Variants in DSCAM observed in about 807,000 individuals in gnomAD.
DSCAM encodes the protein cell adhesion molecule DSCAM.
DSCAM carries 47 observed loss-of-function variants against 217.7 expected under a neutral mutation model. That is an observed-to-expected ratio of 0.22 (90% CI 0.17 to 0.28). DSCAM has a LOEUF of 0.28. DSCAM is among the 10% of genes least tolerant of loss of function. The probability of loss-of-function intolerance (pLI) is 1.00; values close to 1 mark genes in which losing one functional copy is unlikely to be tolerated. For missense variants in DSCAM, 2,080 were observed against 2,618.3 expected (o/e 0.79, Z 4.49); for synonymous variants, 1,056 against 1,015.3 (o/e 1.04, Z -0.76).
In DSCAM at chr21:40,062,699, G is replaced by A. The variant is rs570722396; in HGVS notation, c.4919+170C>T. Among the ~76,000 whole-genome samples the A allele has an allele frequency of 2.1e-3, 326 of 152,170 alleles. 2 individuals are homozygous for A. Among genetic ancestry groups the A allele is most frequent in the Admixed American group, 3.5e-3 (53 of 15,288 alleles). ...TACATCATTTTCATCTACACCTTCA[G>A]CTAGGCATTACATGGATATTTTGGA... On this transcript the variant is annotated intron_variant, in intron 28 of 32. Coordinates refer to ENST00000400454, the MANE Select transcript of DSCAM (RefSeq NM_001389.5).
At position 40,548,910 on chromosome 21, in the gene DSCAM, T is replaced by C. The variant is rs118035742; in HGVS notation, c.508+143900A>G. Among the ~76,000 whole-genome samples the C allele has an allele frequency of 9.2e-5, 14 of 152,246 alleles. No homozygotes were observed. In the East Asian group the frequency reaches 2.7e-3, roughly 29 times the overall value. On this transcript the variant is annotated intron_variant, in intron 3 of 32. Transcript: ENST00000400454. ...TCCAAAAGCCATGGAAGAATCAAAA[T>C]AGGGTAAAACAAGGCCGGGCACGGT...
chr21:40,793,855 G>A lies in DSCAM; in HGVS notation c.43+52764C>T, dbSNP rs564731640. On this transcript the variant is annotated intron_variant, in intron 1 of 32. Coordinates refer to ENST00000400454, the MANE Select transcript of DSCAM (RefSeq NM_001389.5). The stretch of plus-strand genomic sequence containing the variant: ...AGAATGAAGCATTTTGTCTGGCTTA[G>A]ACAAAAAATCATGTGAAATATAAGA... Among the ~76,000 whole-genome samples the A allele has an allele frequency of 2.0e-3, 308 of 152,122 alleles. 1 individual carries two copies. The highest frequency in any genetic ancestry group is 3.8e-3 in the Non-Finnish European group (259 of 68,002).
intron 11 of DSCAM, among the ~76,000 whole-genome samples, chr21:40,192,053 T>G (rs1601426304): frequency 6.6e-6 from 1 of 152,196 alleles, no homozygotes; most frequent in East Asian, 1.9e-4. Context: ...ACAAATATAT[T>G]TATATTATCC....
At chr21:40,039,093 A>C (rs2088690011) in intron 32 of DSCAM, among the ~76,000 whole-genome samples, 1 of 152,026 alleles carries the variant, frequency 6.6e-6, no homozygotes, top group South Asian at 2.1e-4. Context: ...GGTGCAGCGC[A>C]CCAGAATGGC....
At chr21:40,802,687 G>C (rs1569043728) in intron 1 of DSCAM, among the ~76,000 whole-genome samples, 1 of 152,166 alleles carries the variant, frequency 6.6e-6, no homozygotes, top group Non-Finnish European at 1.5e-5. Flanking sequence ...GAGAAAGAGA[G>C]AAATCTCAGC....
intron 1 of DSCAM, among the ~76,000 whole-genome samples, chr21:40,743,572 T>C (rs1216990773): frequency 2.0e-5 from 3 of 152,096 alleles, no homozygotes; most frequent in Non-Finnish European, 4.4e-5. Flanking sequence ...GCAGTGAGGA[T>C]CTGCTTATAC....
intron 3 of DSCAM, among the ~76,000 whole-genome samples, chr21:40,639,681 G>GCA (rs2089853643): frequency 8.5e-6 from 1 of 117,260 alleles, no homozygotes; most frequent in Non-Finnish European, 1.9e-5. Flanking sequence ...GTATGTGTAT[G>GCA]TGTGTGCATG....
At chr21:40,046,669 T>C (rs2088846144) in intron 30 of DSCAM, among the ~76,000 whole-genome samples, 1 of 152,194 alleles carries the variant, frequency 6.6e-6, no homozygotes. Flanking sequence ...CCCAGTCCCT[T>C]ACATAAGTTT....
chr21:40,385,210 T>A (rs1352163590), intron 3 of DSCAM: 1 of 152,212 alleles, frequency 6.6e-6, no homozygotes, highest in African/African-American at 2.4e-5. Context: ...AAAACTCACT[T>A]TTCCCATCCA....
chr21:40,409,278 A>G (rs980833200), intron 3 of DSCAM, among the ~76,000 whole-genome samples: 1 of 152,224 alleles, frequency 6.6e-6, no homozygotes, highest in Admixed American at 6.5e-5. Flanking sequence ...TGATTAAGAA[A>G]GTCCCTATTT....
rs1276460178 is a variant in DSCAM, at chr21:40,761,267, GT to G, written c.44-52497del. Among the ~76,000 whole-genome samples the G allele has an allele frequency of 3.3e-5, 5 of 152,256 alleles. No homozygotes were observed. The East Asian group carries it at 9.7e-4, about 29-fold the overall frequency. The stretch of plus-strand genomic sequence containing the variant: ...CCCAGCTCGGTACCTGTTATCAAAT[GT>G]TTTTAGGAGAGAGTCTGTTTCCTTA... On this transcript the variant is annotated intron_variant, in intron 1 of 32. Transcript: ENST00000400454.
chr21:40,033,392 CT>C, intron 32 of DSCAM, among the ~76,000 whole-genome samples: 1 of 152,184 alleles, frequency 6.6e-6, no homozygotes, highest in Non-Finnish European at 1.5e-5. Flanking sequence ...GTTCCCTTTC[CT>C]AGTCAAAGAA....
chr21:40,812,038 G>C (rs2091844419), intron 1 of DSCAM, among the ~76,000 whole-genome samples: 1 of 152,182 alleles, frequency 6.6e-6, no homozygotes, highest in Non-Finnish European at 1.5e-5. Context: ...CTTACAAGGA[G>C]ATAAACAATA....
Position 40,652,990 on chromosome 21 carries a change from G to A in DSCAM, c.508+39820C>T, listed in dbSNP as rs73905028. On this transcript the variant is annotated intron_variant, in intron 3 of 32. Transcript: ENST00000400454. Reference sequence around the variant, plus strand: ...ACACCAAGGCTTGTATGAGCTCCCTGGTTGATGATACTCTGTATGTGTTGT... The same window carrying A: ...ACACCAAGGCTTGTATGAGCTCCCTAGTTGATGATACTCTGTATGTGTTGT... 7.4e-4 allele frequency among the ~76,000 whole-genome samples: 113 copies of A among 152,250 alleles called. 1 individual carries two copies. Among genetic ancestry groups the A allele is most frequent in the African/African-American group, 2.3e-3 (96 of 41,542 alleles).
chr21:40,490,741 C>G (rs990454476), intron 3 of DSCAM, among the ~76,000 whole-genome samples: 1 of 152,160 alleles, frequency 6.6e-6, no homozygotes, highest in African/African-American at 2.4e-5. Flanking sequence ...CACATTCTCT[C>G]CCACTGTCCT....
intron 3 of DSCAM, among the ~76,000 whole-genome samples, chr21:40,384,408 G>C (rs142889053): frequency 1.5e-4 from 23 of 152,198 alleles, no homozygotes; most frequent in African/African-American, 5.3e-4. Context: ...AGGAGTTAGA[G>C]ACTAGCCTGA....
intron 1 of DSCAM, among the ~76,000 whole-genome samples, chr21:40,842,749 C>G (rs2092113328): frequency 6.6e-6 from 1 of 152,176 alleles, no homozygotes; most frequent in Non-Finnish European, 1.5e-5. Context: ...AAAATTAGTT[C>G]CCCTACCAGA....
At position 40,091,827 on chromosome 21, in the gene DSCAM, C is replaced by T. The variant is rs144415093; in HGVS notation, c.3850+1894G>A. ...TCCCCTTTACAAAACCATCAGATCTCGTGAGACTTACTCACTGTCATGAGA... is the reference window on the plus strand; with the variant it reads ...TCCCCTTTACAAAACCATCAGATCTTGTGAGACTTACTCACTGTCATGAGA... On this transcript the variant is annotated intron_variant, in intron 21 of 32. Transcript: ENST00000400454. Among the ~76,000 whole-genome samples, 1,326 of 152,184 alleles carry T rather than the reference C, an allele frequency of 8.7e-3. 18 individuals are homozygous for T. The highest frequency in any genetic ancestry group is 0.03 in the African/African-American group (1,246 of 41,546).
intron 16 of DSCAM, among the ~76,000 whole-genome samples, chr21:40,153,628 G>A (rs1601390205): frequency 6.6e-6 from 1 of 152,240 alleles, no homozygotes; most frequent in African/African-American, 2.4e-5. Context: ...GGTATGGTGC[G>A]CTACCAGCAA....
Sources: allele counts gnomAD v4.1 joint callset (sites outside exome capture counted in the v4.1 genomes callset), GRCh38; gene constraint gnomAD v4.1.1; transcripts MANE v1.5; gene names NCBI Gene and HGNC (gene_info 2026-07-23, HGNC 2026-07-21).